EPHA5: variants seen among roughly 807,000 people sequenced by gnomAD.
The protein encoded by EPHA5 is EPH receptor A5.
A neutral mutation model predicts 105.0 loss-of-function variants in EPHA5; 60 were observed. The observed-to-expected ratio is 0.57, with a 90% CI of 0.46 to 0.71. The LOEUF (loss-of-function observed/expected upper bound fraction) is 0.71, where lower values mean the gene tolerates loss of function less well. EPHA5 is among the 30% of genes least tolerant of loss of function. The pLI is 0.00. For synonymous variants in EPHA5, 513 were observed against 449.1 expected, an observed-to-expected ratio of 1.14 and a Z score of -1.80; for missense variants, 1,218 against 1,274.7, an observed-to-expected ratio of 0.96 and a Z score of 0.68.
At chr4:65,642,969 G>T (rs1747798311) in intron 2 of EPHA5, among the ~76,000 whole-genome samples, 2 of 152,062 alleles carry the variant, frequency 1.3e-5, no homozygotes, top group South Asian at 4.1e-4. Flanking sequence ...ACTGATCATA[G>T]ACCTGTTAAA....
intron 11 of EPHA5, among the ~76,000 whole-genome samples, chr4:65,364,040 C>T (rs914444591): frequency 2.0e-5 from 3 of 151,512 alleles, no homozygotes; most frequent in African/African-American, 7.3e-5. Flanking sequence ...AATAAGACCT[C>T]AGGATTGCCT....
At chr4:65,490,310 G>C (rs111284511) in intron 5 of EPHA5, 67 bp downstream of exon 5, 1 of 1,455,340 alleles carries the variant, frequency 6.9e-7, no homozygotes, top group Non-Finnish European at 9.4e-7. Context: ...CAACTTGGCC[G>C]TCAGCTATGG....
chr4:65,357,415 C>T (rs1156933107), intron 11 of EPHA5, among the ~76,000 whole-genome samples: 1 of 151,478 alleles, frequency 6.6e-6, no homozygotes, highest in Non-Finnish European at 1.5e-5. Context: ...TTTAAAAACT[C>T]ACAAATATTC....
At chr4:65,348,897 C>G (rs1184677094) in intron 13 of EPHA5, among the ~76,000 whole-genome samples, 1 of 138,438 alleles carries the variant, frequency 7.2e-6, no homozygotes, top group East Asian at 2.3e-4. Context: ...CTCACTGTAA[C>G]CCCCACCTCC....
At chr4:65,533,538 A>G (rs773093832) in intron 3 of EPHA5, among the ~76,000 whole-genome samples, 19 of 152,134 alleles carry the variant, frequency 1.2e-4, no homozygotes, top group Non-Finnish European at 2.5e-4. Context: ...ATCTTCTTTT[A>G]TTATCTCATG....
chr4:65,607,425 A>C (rs1744338497), intron 2 of EPHA5, among the ~76,000 whole-genome samples: 1 of 152,130 alleles, frequency 6.6e-6, no homozygotes, highest in Non-Finnish European at 1.5e-5. Context: ...AAATCTACCC[A>C]TCTGACAAAG....
rs139703548 is a variant in EPHA5, at chr4:65,559,046, C to G, written c.910+42595G>C. Reference sequence around the variant, plus strand: ...AAACCTGCATGTTTATGCCCTGAATCTAAAATAAAAGTTGAAATTAGGAAA... The same window carrying G: ...AAACCTGCATGTTTATGCCCTGAATGTAAAATAAAAGTTGAAATTAGGAAA... On this transcript the variant is annotated intron_variant, in intron 3 of 16. Coordinates refer to ENST00000613740, the MANE Select transcript of EPHA5 (RefSeq NM_001281766.3). 5.3e-3 allele frequency among the ~76,000 whole-genome samples: 807 copies of G among 151,958 alleles called. 7 individuals are homozygous for G. The highest frequency in any genetic ancestry group is 0.018 in the African/African-American group (758 of 41,464).
chr4:65,574,408 CAA>C (rs1740583800), intron 3 of EPHA5: 1 of 544,326 alleles, frequency 1.8e-6, no homozygotes, highest in Non-Finnish European at 2.7e-6. Flanking sequence ...AAAAAATACT[CAA>C]ATAACTCAAA....
In EPHA5 at chr4:65,320,030, T is replaced by C. The variant is rs1396839272; in HGVS notation, c.*4084A>G. The C allele has an allele frequency of 1.7e-5, 4 of 230,158 alleles. No homozygotes were observed. The highest frequency in any genetic ancestry group is 5.7e-5 in the Admixed American group (1 of 17,634). 14.3% of individuals were successfully genotyped at this position (230,158 alleles called of 1,614,324 possible). ...AGAAACAAACAACATTTGATTCTGA[T>C]TATTATAAACAGACTTTTTTTCTTT... On this transcript the variant is annotated 3_prime_UTR_variant, in exon 17 of 17. Transcript: ENST00000613740.
At chr4:65,561,676 G>A (rs1354953682) in intron 3 of EPHA5, among the ~76,000 whole-genome samples, 1 of 151,964 alleles carries the variant, frequency 6.6e-6, no homozygotes, top group Admixed American at 6.6e-5. Context: ...ATCTTTCAAT[G>A]CCTGGACTCA....
intron 14 of EPHA5, among the ~76,000 whole-genome samples, chr4:65,338,771 C>G (rs1163761047): frequency 2.0e-5 from 3 of 151,466 alleles, no homozygotes; most frequent in Non-Finnish European, 4.4e-5. Flanking sequence ...TTTTCCATTT[C>G]TAATGATTCT....
intron 8 of EPHA5, among the ~76,000 whole-genome samples, chr4:65,395,270 A>C (rs1014757040): frequency 1.1e-4 from 17 of 152,312 alleles, no homozygotes; most frequent in Admixed American, 8.5e-4. Flanking sequence ...GTTTTATAAA[A>C]GTTTGACTAC....
intron 14 of EPHA5, among the ~76,000 whole-genome samples, chr4:65,343,948 C>G (rs1721977821): frequency 6.6e-6 from 1 of 151,346 alleles, no homozygotes; most frequent in South Asian, 2.1e-4. Context: ...GAAAGAGTAT[C>G]AAGACACTCA....
chr4:65,325,976 A>G (rs893573292), intron 16 of EPHA5, among the ~76,000 whole-genome samples: 2 of 149,732 alleles, frequency 1.3e-5, no homozygotes, highest in Admixed American at 1.3e-4. Flanking sequence ...TAGTGACAAA[A>G]TCTCTCCTGG....
intron 8 of EPHA5, among the ~76,000 whole-genome samples, chr4:65,397,772 C>T (rs1721392638): frequency 6.6e-6 from 1 of 152,200 alleles, no homozygotes. Flanking sequence ...TACCAGGGAC[C>T]CTTAGATAGG....
chr4:65,328,520 T>C (rs772958945), intron 16 of EPHA5, among the ~76,000 whole-genome samples: 6 of 151,276 alleles, frequency 4.0e-5, no homozygotes, highest in Non-Finnish European at 8.9e-5. Flanking sequence ...TTTAGCCGTA[T>C]CACTGGTACT....
chr4:65,552,319 A>G (rs1224653663), intron 3 of EPHA5, among the ~76,000 whole-genome samples: 1 of 152,222 alleles, frequency 6.6e-6, no homozygotes, highest in Non-Finnish European at 1.5e-5. Context: ...ATATCTTTCC[A>G]CACGGTTTAT....
intron 11 of EPHA5, among the ~76,000 whole-genome samples, chr4:65,355,961 C>A (rs1273569405): frequency 6.6e-6 from 1 of 151,382 alleles, no homozygotes; most frequent in Non-Finnish European, 1.5e-5. Context: ...TGGATTCTGC[C>A]TGATTTATCC....
At chr4:65,563,092 T>C (rs1211559449) in intron 3 of EPHA5, among the ~76,000 whole-genome samples, 2 of 152,086 alleles carry the variant, frequency 1.3e-5, no homozygotes, top group Admixed American at 6.6e-5. Context: ...ATCAAGTAGA[T>C]ATAAATTCTT....
Sources: gnomAD v4.1 joint callset for allele counts (sites outside exome capture counted in the v4.1 genomes callset) on GRCh38, gnomAD v4.1.1 for gene constraint, MANE v1.5 for transcripts, NCBI Gene and HGNC (gene_info 2026-07-23, HGNC 2026-07-21) for gene names.